Variants in SERGEF observed in about 807,000 individuals in gnomAD.
SERGEF encodes the protein secretion-regulating guanine nucleotide exchange factor.
A neutral mutation model predicts 50.0 loss-of-function variants in SERGEF; 51 were observed. That is an observed-to-expected ratio of 1.02 (90% CI 0.81 to 1.29). The LOEUF (loss-of-function observed/expected upper bound fraction) is 1.29, where lower values mean the gene tolerates loss of function less well. Among genes scored for constraint, SERGEF ranks in the 50% most tolerant of loss-of-function variants. The probability of loss-of-function intolerance (pLI) is 0.00; values close to 1 mark genes in which losing one functional copy is unlikely to be tolerated. For missense variants in SERGEF, 521 were observed against 557.0 expected, an observed-to-expected ratio of 0.94 and a Z score of 0.65; for synonymous variants, 205 against 212.4, an observed-to-expected ratio of 0.97 and a Z score of 0.30.
intron 9 of SERGEF, among the ~76,000 whole-genome samples, chr11:17,937,696 T>C (rs1852481601): frequency 1.3e-5 from 2 of 152,194 alleles, no homozygotes; most frequent in Admixed American, 6.5e-5. Flanking sequence ...TAAAAATTCC[T>C]GTCCTACCTA....
chr11:17,846,754 C>A (rs1850619637), intron 10 of SERGEF: 1 of 456,128 alleles, frequency 2.2e-6, no homozygotes, highest in Non-Finnish European at 4.4e-6. Context: ...ACTTACCTTG[C>A]AGAGATACTG....
At chr11:17,838,494 T>G (rs945922125) in intron 10 of SERGEF, among the ~76,000 whole-genome samples, 1 of 152,094 alleles carries the variant, frequency 6.6e-6, no homozygotes, top group Non-Finnish European at 1.5e-5. Flanking sequence ...AGGAAACAAG[T>G]ATTGACTGAG....
intron 7 of SERGEF, 128 bp from the exon 8 acceptor site, chr11:17,988,883 G>C: frequency 2.4e-6 from 2 of 816,444 alleles, no homozygotes; most frequent in Non-Finnish European, 3.6e-6. Flanking sequence ...AGGTTGAGTG[G>C]AGCCAAGCAG....
intron 9 of SERGEF, among the ~76,000 whole-genome samples, chr11:17,947,134 TC>T (rs1852678742): frequency 6.6e-6 from 1 of 152,178 alleles, no homozygotes; most frequent in African/African-American, 2.4e-5. Context: ...AGATTTCCGT[TC>T]AATTCAATAA....
chr11:17,846,587 C>A, intron 10 of SERGEF: 1 of 418,750 alleles, frequency 2.4e-6, no homozygotes, highest in South Asian at 1.7e-5. Flanking sequence ...AAAATCACCT[C>A]CAGCATGGTT....
intron 10 of SERGEF, among the ~76,000 whole-genome samples, chr11:17,871,680 A>C (rs1258055910): frequency 1.3e-5 from 2 of 152,158 alleles, no homozygotes; most frequent in Non-Finnish European, 2.9e-5. Flanking sequence ...ATGGCCTATA[A>C]GCATGTAAAA....
At chr11:17,816,895 C>T (rs1323852974) in intron 10 of SERGEF, among the ~76,000 whole-genome samples, 1 of 152,186 alleles carries the variant, frequency 6.6e-6, no homozygotes, top group Non-Finnish European at 1.5e-5. Context: ...ACCTTCAGAT[C>T]AGATCTCAAC....
chr11:17,868,154 A>C (rs1851066649), intron 10 of SERGEF, among the ~76,000 whole-genome samples: 1 of 152,186 alleles, frequency 6.6e-6, no homozygotes, highest in Non-Finnish European at 1.5e-5. Flanking sequence ...CTTTTCTATC[A>C]CATCATCAGG....
chr11:17,922,696 G>A (rs1852181413), intron 9 of SERGEF, among the ~76,000 whole-genome samples: 1 of 152,106 alleles, frequency 6.6e-6, no homozygotes, highest in Admixed American at 6.5e-5. Context: ...TTCAAATACT[G>A]CTCGTTCTTT....
chr11:17,997,078 A>C (rs1299239087), intron 5 of SERGEF, among the ~76,000 whole-genome samples: 1 of 152,136 alleles, frequency 6.6e-6, no homozygotes, highest in Non-Finnish European at 1.5e-5. Flanking sequence ...GGTGGTGTAC[A>C]CCTGCAGTCC....
At chr11:17,993,147 T>C (rs796426054) in intron 6 of SERGEF, among the ~76,000 whole-genome samples, 154 bp from the exon 7 acceptor site, 9 of 152,210 alleles carry the variant, frequency 5.9e-5, no homozygotes, top group African/African-American at 2.2e-4. Flanking sequence ...ATGGCTGGCA[T>C]TGTAGGGAGC....
intron 10 of SERGEF, among the ~76,000 whole-genome samples, chr11:17,797,236 T>C (rs1849586293): frequency 6.6e-6 from 1 of 152,220 alleles, no homozygotes; most frequent in African/African-American, 2.4e-5. Flanking sequence ...TTTAGAATCC[T>C]TCAGTGGCTT....
intron 8 of SERGEF, among the ~76,000 whole-genome samples, chr11:17,975,105 A>G (rs1853342031): frequency 6.6e-6 from 1 of 152,178 alleles, no homozygotes; most frequent in Non-Finnish European, 1.5e-5. Context: ...AGTGCTTTCC[A>G]TGATCTTATT....
intron 9 of SERGEF, among the ~76,000 whole-genome samples, chr11:17,933,332 A>T (rs184711200): frequency 1.6e-4 from 24 of 152,254 alleles, no homozygotes; most frequent in African/African-American, 4.6e-4. Flanking sequence ...ACTAGTCCTC[A>T]TTGATCTTAT....
At chr11:17,805,346 G>C (rs1321816144) in intron 10 of SERGEF, among the ~76,000 whole-genome samples, 1 of 152,222 alleles carries the variant, frequency 6.6e-6, no homozygotes, top group Non-Finnish European at 1.5e-5. Flanking sequence ...TGATGTTCCA[G>C]ACAATGAAGT....
chr11:17,928,226 C>A (rs1054200195), intron 9 of SERGEF, among the ~76,000 whole-genome samples: 3 of 152,168 alleles, frequency 2.0e-5, no homozygotes, highest in Non-Finnish European at 4.4e-5. Flanking sequence ...CCCGGCCTCA[C>A]CTGTCTCCTG....
intron 9 of SERGEF, among the ~76,000 whole-genome samples, chr11:17,903,712 T>C (rs190247245): frequency 1.3e-5 from 2 of 152,180 alleles, no homozygotes; most frequent in Admixed American, 6.5e-5. Flanking sequence ...GGGAGAGATA[T>C]AAAAGAAATT....
At chr11:17,985,796 T>C (rs1422767837) in intron 8 of SERGEF, among the ~76,000 whole-genome samples, 2 of 152,198 alleles carry the variant, frequency 1.3e-5, no homozygotes, top group Non-Finnish European at 2.9e-5. Flanking sequence ...GTTATTCTGA[T>C]ACCATGTGAA....
chr11:17,985,565 T>G (rs920181447), intron 8 of SERGEF, among the ~76,000 whole-genome samples: 1 of 152,194 alleles, frequency 6.6e-6, no homozygotes, highest in Non-Finnish European at 1.5e-5. Flanking sequence ...ATTAAGCAGC[T>G]TGGGAAAGGT....
Sources: allele counts gnomAD v4.1 joint callset (sites outside exome capture counted in the v4.1 genomes callset), GRCh38; gene constraint gnomAD v4.1.1; transcripts MANE v1.5; gene names NCBI Gene and HGNC (gene_info 2026-07-23, HGNC 2026-07-21).